DCUN1D4: variants seen among roughly 807,000 people sequenced by gnomAD.
DCUN1D4 encodes the protein defective in cullin neddylation 1 domain containing 4.
Under a neutral mutation model 47.9 loss-of-function variants are expected in DCUN1D4, and 22 were observed. The ratio of observed to expected loss-of-function variants is 0.46; its 90% CI spans 0.33 to 0.66. The LOEUF is 0.66. Ranked by LOEUF, DCUN1D4 falls within the 30% of genes least tolerant of loss-of-function variation. DCUN1D4 has a pLI of 0.02. For missense variants in DCUN1D4, 301 were observed against 340.8 expected, an observed-to-expected ratio of 0.88 and a Z score of 0.92; for synonymous variants, 121 against 112.2, an observed-to-expected ratio of 1.08 and a Z score of -0.50.
chr4:51,904,830 G>A (rs534839552), intron 8 of DCUN1D4, among the ~76,000 whole-genome samples: 1 of 152,210 alleles, frequency 6.6e-6, no homozygotes, highest in South Asian at 2.1e-4. Flanking sequence ...TACTAGAAAA[G>A]TGGACTCCTG....
intron 7 of DCUN1D4, among the ~76,000 whole-genome samples, chr4:51,892,862 T>C (rs919597290): frequency 3.3e-5 from 5 of 152,260 alleles, no homozygotes; most frequent in Non-Finnish European, 5.9e-5. Flanking sequence ...CTTTTCACTT[T>C]AGGAATAATA....
At chr4:51,888,776 A>C (rs970082651) in intron 6 of DCUN1D4, among the ~76,000 whole-genome samples, 1 of 150,932 alleles carries the variant, frequency 6.6e-6, no homozygotes, top group African/African-American at 2.4e-5. Flanking sequence ...ATATCCTTAA[A>C]ATTTATAATC....
chr4:51,903,040 G>A (rs35576029), intron 8 of DCUN1D4, among the ~76,000 whole-genome samples: 24 of 152,060 alleles, frequency 1.6e-4, no homozygotes, highest in Non-Finnish European at 2.4e-4. Flanking sequence ...TATAAATGTC[G>A]CAATATGCTA....
intron 1 of DCUN1D4, chr4:51,843,497 A>AG (rs1466056906): frequency 4.0e-6 from 4 of 997,436 alleles, no homozygotes; most frequent in African/African-American, 4.8e-5. Context: ...GGCGGAGGTG[A>AG]GGGGGGTGGG....
intron 5 of DCUN1D4, among the ~76,000 whole-genome samples, chr4:51,879,263 G>A (rs188602598): frequency 3.9e-5 from 6 of 152,250 alleles, no homozygotes; most frequent in Admixed American, 2.0e-4. Context: ...ACATGAGTTC[G>A]TTTGATTCAT....
intron 8 of DCUN1D4, chr4:51,905,140 G>T (rs1303013848): frequency 2.2e-6 from 1 of 449,834 alleles, no homozygotes. Context: ...TGGCTATAAA[G>T]TTGTGTTATT....
At chr4:51,843,448 G>A (rs977374155) in intron 1 of DCUN1D4, 181 bp downstream of exon 1, 3 of 1,249,474 alleles carry the variant, frequency 2.4e-6, no homozygotes, top group African/African-American at 1.6e-5. Flanking sequence ...GGCGTGGGGC[G>A]GGGGCGGGCG....
At chr4:51,891,903 C>T in intron 7 of DCUN1D4, 52 bp downstream of exon 7, 9 of 1,390,538 alleles carry the variant, frequency 6.5e-6, no homozygotes, top group Non-Finnish European at 9.0e-6. Flanking sequence ...AGGTGGTTGC[C>T]TCCTTCCTCC....
intron 1 of DCUN1D4, among the ~76,000 whole-genome samples, chr4:51,859,281 T>C (rs1420395180): frequency 1.3e-5 from 2 of 152,178 alleles, no homozygotes; most frequent in African/African-American, 2.4e-5. Context: ...ATCATACATA[T>C]TGGAGTTTAT....
At chr4:51,845,876 A>G (rs1367658843) in intron 1 of DCUN1D4, among the ~76,000 whole-genome samples, 1 of 152,114 alleles carries the variant, frequency 6.6e-6, no homozygotes, top group African/African-American at 2.4e-5. Context: ...TCTTGTGGAG[A>G]TCATTTATAT....
chr4:51,905,200 G>A (rs1419714815), intron 8 of DCUN1D4: 1 of 455,274 alleles, frequency 2.2e-6, no homozygotes, highest in Admixed American at 2.3e-5. Context: ...TCTATATGAT[G>A]CTTGAGAGCT....
At chr4:51,859,227 G>A (rs1724629609) in intron 1 of DCUN1D4, among the ~76,000 whole-genome samples, 1 of 152,090 alleles carries the variant, frequency 6.6e-6, no homozygotes, top group South Asian at 2.1e-4. Flanking sequence ...CTCTTTACGT[G>A]TATATCTTTC....
intron 5 of DCUN1D4, among the ~76,000 whole-genome samples, chr4:51,879,198 C>A (rs1728147887): frequency 6.6e-6 from 1 of 152,216 alleles, no homozygotes; most frequent in Non-Finnish European, 1.5e-5. Flanking sequence ...GACACTAGTG[C>A]AAACACATGG....
rs1212711589 is a variant in DCUN1D4 at position 51,881,681 on chromosome 4, GA to G, written c.343+3837del. 9.9e-4 allele frequency among the ~76,000 whole-genome samples: 135 copies of G among 136,594 alleles called. No individual in the cohort carries two copies. In the South Asian group the frequency reaches 0.024, roughly 25 times the overall value. The allele number at this position is 136,594 out of a possible 152,430, so 89.6% of individuals were successfully genotyped here. A position where few individuals can be genotyped will look rare whatever the true frequency, so the allele number is the denominator to read the frequency against. On this transcript the variant is annotated intron_variant, in intron 5 of 10. Coordinates refer to ENST00000334635, the MANE Select transcript of DCUN1D4 (RefSeq NM_001040402.3). ...AAGTTAAAAAAAAAAAAAAAAACAA[GA>G]AAAAAAAAACCTCTCTGTCTCAAAC...
At chr4:51,895,156 G>A (rs541667936) in intron 7 of DCUN1D4, among the ~76,000 whole-genome samples, 2 of 151,468 alleles carry the variant, frequency 1.3e-5, no homozygotes, top group East Asian at 1.9e-4. Context: ...ATTTCAGGGG[G>A]ATACAAACAT....
chr4:51,883,714 C>T (rs1729044985), intron 5 of DCUN1D4, among the ~76,000 whole-genome samples: 1 of 152,128 alleles, frequency 6.6e-6, no homozygotes, highest in Admixed American at 6.5e-5. Context: ...CCTGGGCAAA[C>T]TTAGAAACAC....
chr4:51,912,091 A>T (rs1333985603), intron 9 of DCUN1D4, among the ~76,000 whole-genome samples: 2 of 152,196 alleles, frequency 1.3e-5, no homozygotes, highest in East Asian at 3.8e-4. Flanking sequence ...GGACTCCTCA[A>T]AAATTTAAAA....
chr4:51,867,579 G>A (rs1259355037), intron 3 of DCUN1D4, among the ~76,000 whole-genome samples: 1 of 152,276 alleles, frequency 6.6e-6, no homozygotes, highest in Non-Finnish European at 1.5e-5. Flanking sequence ...TGCAGCCCTC[G>A]GTGGAGAGGA....
intron 1 of DCUN1D4, chr4:51,843,779 G>A: frequency 3.7e-6 from 3 of 821,564 alleles, no homozygotes; most frequent in Non-Finnish European, 4.3e-6. Flanking sequence ...GGGACAATGG[G>A]AAGAAGGGCT....
Sources: allele counts gnomAD v4.1 joint callset (sites outside exome capture counted in the v4.1 genomes callset), GRCh38; gene constraint gnomAD v4.1.1; transcripts MANE v1.5; gene names NCBI Gene and HGNC (gene_info 2026-07-23, HGNC 2026-07-21).